The following MELK variants were observed in gnomAD, a reference collection of about 807,000 sequenced individuals.
MELK encodes the protein maternal embryonic leucine zipper kinase.
MELK carries 81 observed loss-of-function variants against 85.0 expected under a neutral mutation model. The observed-to-expected ratio is 0.95, with a 90% CI of 0.80 to 1.15. The LOEUF (loss-of-function observed/expected upper bound fraction) is 1.15. Among genes scored for constraint, MELK ranks in the 50% most tolerant of loss-of-function variants. MELK has a pLI of 0.00. For missense variants in MELK, 754 were observed against 777.5 expected (o/e 0.97, Z 0.36); for synonymous variants, 252 against 265.0 (o/e 0.95, Z 0.48).
intron 10 of MELK, among the ~76,000 whole-genome samples, chr9:36,638,019 T>G (rs779335176): frequency 6.6e-6 from 1 of 152,132 alleles, no homozygotes; most frequent in Non-Finnish European, 1.5e-5. Context: ...GATGTGCCCC[T>G]TGTGAGGTGG....
intron 8 of MELK, among the ~76,000 whole-genome samples, chr9:36,621,275 GAAAAAAAAAAAAAAAAAAAAAAAAAAAA>G (rs74181196): frequency 3.1e-4 from 10 of 32,448 alleles, no homozygotes; most frequent in East Asian, 1.2e-3. Flanking sequence ...CTGTCTCAGG[GAAAAAAAAAAAAAAAAAAAAAAAAAAAA>G]AAAAAAAAAA....
intron 12 of MELK, among the ~76,000 whole-genome samples, chr9:36,654,349 C>CTTTTTTTTTTTTT: frequency 1.2e-5 from 1 of 84,126 alleles, no homozygotes; most frequent in Non-Finnish European, 2.1e-5. Context: ...ATTGGATTGT[C>CTTTTTTTTTTTTT]TTTTTTTTTT....
At chr9:36,658,754 C>T (rs1251981560) in intron 13 of MELK, among the ~76,000 whole-genome samples, 6 of 151,644 alleles carry the variant, frequency 4.0e-5, no homozygotes, top group East Asian at 1.9e-4. Context: ...CAGGCTGGAG[C>T]GCATTGTTGG....
rs569453908 is a variant in MELK at position 36,584,315 on chromosome 9, T to A, written c.144+603T>A. On this transcript the variant is annotated intron_variant, in intron 3 of 17. Transcript: ENST00000298048. ...CCACCGCGCCCGGCCTCTTTTCTTT[T>A]CTTTACTTTTTTTTTTTTTTGAGAC... Among the ~76,000 whole-genome samples the A allele has an allele frequency of 5.6e-5, 8 of 143,618 alleles. No homozygotes were observed. The South Asian group carries it at 1.5e-3, about 28-fold the overall frequency. 94.2% of individuals were successfully genotyped at this position (143,618 alleles called of 152,430 possible). A position where few individuals can be genotyped will look rare whatever the true frequency, so the allele number is the denominator to read the frequency against.
At chr9:36,642,275 C>G (rs565519766) in intron 10 of MELK, among the ~76,000 whole-genome samples, 4 of 152,194 alleles carry the variant, frequency 2.6e-5, no homozygotes, top group African/African-American at 9.6e-5. Context: ...ACCCTGTGCT[C>G]TACAAGTTTG....
intron 6 of MELK, among the ~76,000 whole-genome samples, chr9:36,598,534 AG>A (rs1326107052): frequency 1.3e-5 from 2 of 152,102 alleles, no homozygotes; most frequent in Admixed American, 6.6e-5. Context: ...TTTCTGTGGG[AG>A]GGCAGAGGAG....
At position 36,651,866 on chromosome 9, in the gene MELK, A is replaced by G. The variant is rs1472438544; in HGVS notation, c.1042A>G (p.Thr348Ala). ...TGGACAAGCCAGTGCTACCCCATTC[A>G]CAGACATCAAGGTAAGTGTTACTGC... ...SCGQASATPFTDIKSNNWSLE... is the reference protein window; with the variant it reads ...SCGQASATPFADIKSNNWSLE... The change falls in exon 12 of 18, where the codon ACA becomes GCA. Residue 348 changes from threonine to alanine, a missense_variant. Physicochemically the swap from Thr to Ala is moderately conservative, Grantham distance 58. Coordinates refer to ENST00000298048, the MANE Select transcript of MELK (RefSeq NM_014791.4). The G allele has an allele frequency of 6.2e-7, 1 of 1,613,516 alleles. No homozygotes were observed. The highest frequency in any genetic ancestry group is 8.5e-7 in the Non-Finnish European group (1 of 1,179,736).
chr9:36,656,375 T>C (rs1831244224), intron 12 of MELK, among the ~76,000 whole-genome samples: 1 of 152,242 alleles, frequency 6.6e-6, no homozygotes, highest in Non-Finnish European at 1.5e-5. Context: ...AACATAAGAA[T>C]GTTGCAAGAC....
chr9:36,668,021 C>T (rs1179495249), intron 14 of MELK, among the ~76,000 whole-genome samples: 7 of 152,168 alleles, frequency 4.6e-5, no homozygotes, highest in South Asian at 4.1e-4. Flanking sequence ...CCACCTGCCT[C>T]GGCCTCCCAA....
At chr9:36,636,782 T>TTCTTTCTTTCTTTCTTTCTTTCTTTCTG (rs71494635) in intron 10 of MELK, among the ~76,000 whole-genome samples, 110 of 107,640 alleles carry the variant, frequency 1.0e-3, no homozygotes, top group Admixed American at 1.7e-3. Context: ...CTTTCTTTCT[T>TTCTTTCTTTCTTTCTTTCTTTCTTTCTG]TCTGTCTGTC....
chr9:36,650,593 T>C (rs1287074623), intron 11 of MELK, among the ~76,000 whole-genome samples: 2 of 152,212 alleles, frequency 1.3e-5, no homozygotes, highest in East Asian at 1.9e-4. Context: ...GAATCAATTG[T>C]GAAGATAGAA....
chr9:36,613,971 T>A (rs1241794974), intron 8 of MELK, among the ~76,000 whole-genome samples: 1 of 152,144 alleles, frequency 6.6e-6, no homozygotes, highest in African/African-American at 2.4e-5. Context: ...AGGATCACAC[T>A]GGCTGCTATG....
chr9:36,573,803 G>A (rs1043994811), intron 1 of MELK, among the ~76,000 whole-genome samples: 2 of 152,126 alleles, frequency 1.3e-5, no homozygotes, highest in Non-Finnish European at 2.9e-5. Context: ...CACCACGCCC[G>A]GCCTAAAAGG....
At chr9:36,649,623 G>A (rs957021825) in intron 11 of MELK, among the ~76,000 whole-genome samples, 1 of 152,048 alleles carries the variant, frequency 6.6e-6, no homozygotes, top group African/African-American at 2.4e-5. Flanking sequence ...ACAAAAATTA[G>A]CCAGGCGTGG....
At chr9:36,587,107 T>G (rs570768695) in intron 3 of MELK, among the ~76,000 whole-genome samples, 1 of 151,912 alleles carries the variant, frequency 6.6e-6, no homozygotes, top group Admixed American at 6.6e-5. Flanking sequence ...CCTCAGCCTC[T>G]CAAAGTGCTG....
chr9:36,623,001 A>G (rs1254544182), intron 8 of MELK, among the ~76,000 whole-genome samples: 3 of 152,204 alleles, frequency 2.0e-5, no homozygotes, highest in African/African-American at 7.2e-5. Flanking sequence ...CAAGGGTCCT[A>G]TCTCTGACCA....
At chr9:36,583,215 C>T (rs1015259209) in intron 2 of MELK, among the ~76,000 whole-genome samples, 1 of 151,952 alleles carries the variant, frequency 6.6e-6, no homozygotes, top group Non-Finnish European at 1.5e-5. Flanking sequence ...CCTTGTGATC[C>T]GCCCGCCTCG....
At chr9:36,609,863 C>G (rs1825919939) in intron 8 of MELK, among the ~76,000 whole-genome samples, 2 of 152,132 alleles carry the variant, frequency 1.3e-5, no homozygotes, top group South Asian at 4.1e-4. Context: ...TTATTGTCCA[C>G]CAGGGCCTGA....
rs943389838 is a variant in MELK, at chr9:36,650,520, G to A, written c.922-1226G>A. On this transcript the variant is annotated intron_variant, in intron 11 of 17. Coordinates refer to ENST00000298048, the MANE Select transcript of MELK (RefSeq NM_014791.4). The stretch of plus-strand genomic sequence containing the variant: ...AGTAGCTGTACTAGAATCAAGAAGA[G>A]TATACTACCATCAAAACTGCGAAGA... 3.3e-5 allele frequency among the ~76,000 whole-genome samples: 5 copies of A among 152,290 alleles called. No homozygotes were observed. In the South Asian group the frequency reaches 1.0e-3, roughly 32 times the overall value.
Sources: allele counts gnomAD v4.1 joint callset (sites outside exome capture counted in the v4.1 genomes callset), GRCh38; gene constraint gnomAD v4.1.1; transcripts MANE v1.5; gene names NCBI Gene and HGNC (gene_info 2026-07-23, HGNC 2026-07-21).